The following BMPR2 variants were observed in gnomAD, a reference collection of about 807,000 sequenced individuals.
The protein encoded by BMPR2 is bone morphogenetic protein receptor type 2.
Under a neutral mutation model 100.8 loss-of-function variants are expected in BMPR2, and 29 were observed. The ratio of observed to expected loss-of-function variants is 0.29; its 90% CI spans 0.21 to 0.39. The LOEUF is 0.39. Among genes scored for constraint, BMPR2 ranks in the 10% least tolerant of loss-of-function variants. BMPR2 has a pLI of 1.00. For synonymous variants in BMPR2, 382 were observed against 442.3 expected (o/e 0.86, Z 1.71); for missense variants, 1,011 against 1,274.5 (o/e 0.79, Z 3.15).
chr2:202,426,797 G>C (rs1691395156), intron 1 of BMPR2, among the ~76,000 whole-genome samples: 1 of 152,106 alleles, frequency 6.6e-6, no homozygotes. Context: ...CAGAAGGAGT[G>C]ACTGAGCGTG....
Position 202,473,645 on chromosome 2 carries a change from G to T in BMPR2, c.418+5956G>T, listed in dbSNP as rs530218121. On this transcript the variant is annotated intron_variant, in intron 3 of 12. Transcript: ENST00000374580. ...TCTCTACTAAAAATAGAAAAAATTA[G>T]CTGGGTGTGGTAGTGGGCGCCTGTA... is the stretch of plus-strand genomic sequence containing the variant. Among the ~76,000 whole-genome samples, 317 of 152,076 alleles carry T rather than the reference G, an allele frequency of 2.1e-3. 1 individual carries two copies. The highest frequency in any genetic ancestry group is 7.2e-3 in the African/African-American group (297 of 41,490).
At chr2:202,506,517 C>G (rs1027212105) in intron 3 of BMPR2, among the ~76,000 whole-genome samples, 4 of 152,090 alleles carry the variant, frequency 2.6e-5, no homozygotes, top group Admixed American at 1.3e-4. Context: ...GGGCTCTACC[C>G]TCATTATATA....
chr2:202,518,198 C>T (rs1261764191), intron 5 of BMPR2, among the ~76,000 whole-genome samples: 1 of 139,502 alleles, frequency 7.2e-6, no homozygotes, highest in Non-Finnish European at 1.5e-5. Context: ...AGTGCAGTGG[C>T]GCGGTCTCAG....
intron 3 of BMPR2, among the ~76,000 whole-genome samples, chr2:202,508,855 T>C (rs1687574860): frequency 6.6e-6 from 1 of 152,162 alleles, no homozygotes; most frequent in South Asian, 2.1e-4. Context: ...TGTTAGTGGA[T>C]GGAAAGAAAA....
chr2:202,539,264 CAG>C (rs1419979337), intron 9 of BMPR2, among the ~76,000 whole-genome samples: 1 of 152,010 alleles, frequency 6.6e-6, no homozygotes, highest in Non-Finnish European at 1.5e-5. Flanking sequence ...AAAGAGGAAA[CAG>C]AACTGAGGAA....
Position 202,556,416 on chromosome 2 carries a change from A to C in BMPR2, c.2751A>C (p.Ala917=). The change falls in exon 12 of 13, where the codon GCA becomes GCC. Residue 917 remains alanine, a synonymous_variant. Coordinates refer to ENST00000374580, the MANE Select transcript of BMPR2 (RefSeq NM_001204.7). ...SNPCSEQDVL[A]QGVPSTAADP... is the part of the protein sequence containing the mutation. ...CATGTTCAGAACAAGATGTTCTTGC[A>C]CAGGGTGTTCCAAGCACAGCAGCAG... 6.2e-7 allele frequency: 1 copy of C among 1,614,184 alleles called. No individual in the cohort carries two copies. The highest frequency in any genetic ancestry group is 8.5e-7 in the Non-Finnish European group (1 of 1,180,040).
chr2:202,431,011 T>TTTTAA (rs1691492304), intron 1 of BMPR2, among the ~76,000 whole-genome samples: 2 of 150,060 alleles, frequency 1.3e-5, no homozygotes, highest in Admixed American at 1.3e-4. Flanking sequence ...GAACTCTAAA[T>TTTTAA]GATTAAAAAC....
intron 1 of BMPR2, among the ~76,000 whole-genome samples, chr2:202,402,508 C>T (rs913879512): frequency 6.6e-6 from 1 of 152,060 alleles, no homozygotes. Context: ...CAGAGTAAGA[C>T]TCCGTCTCAA....
intron 1 of BMPR2, among the ~76,000 whole-genome samples, chr2:202,381,200 CCTGACCTCGTGAT>C (rs1415872136): frequency 6.6e-6 from 1 of 151,898 alleles, no homozygotes; most frequent in Non-Finnish European, 1.5e-5. Context: ...ATCTCAAACT[CCTGACCTCGTGAT>C]CTGCCTGCCT....
chr2:202,468,599 A>G (rs1292140112), intron 3 of BMPR2, among the ~76,000 whole-genome samples: 2 of 152,246 alleles, frequency 1.3e-5, no homozygotes, highest in Non-Finnish European at 1.5e-5. Context: ...TACATCTTCA[A>G]TAGTACGAAT....
At position 202,527,570 on chromosome 2, in the gene BMPR2, G is replaced by T. The variant is rs554560487; in HGVS notation, c.968-3224G>T. On this transcript the variant is annotated intron_variant, in intron 7 of 12. Transcript: ENST00000374580. ...GGAGGCCGAGGCGGGTGGATCATGAGGTCAGGAGATCGAGACCATCCTGGC... is the reference window on the plus strand; with the variant it reads ...GGAGGCCGAGGCGGGTGGATCATGATGTCAGGAGATCGAGACCATCCTGGC... 4.0e-5 allele frequency among the ~76,000 whole-genome samples: 6 copies of T among 149,318 alleles called. No homozygotes were observed. In the East Asian group the frequency reaches 1.2e-3, roughly 30 times the overall value.
At chr2:202,422,670 GT>G (rs1192600169) in intron 1 of BMPR2, among the ~76,000 whole-genome samples, 1 of 151,518 alleles carries the variant, frequency 6.6e-6, no homozygotes, top group Non-Finnish European at 1.5e-5. Flanking sequence ...AATTGTTTTT[GT>G]TTTGTTTTGT....
At chr2:202,410,710 GC>G (rs1347983316) in intron 1 of BMPR2, among the ~76,000 whole-genome samples, 1 of 152,060 alleles carries the variant, frequency 6.6e-6, no homozygotes, top group Non-Finnish European at 1.5e-5. Context: ...CACCCGAGCA[GC>G]TGGGACTACA....
rs1365214139 is a variant in BMPR2, at chr2:202,564,213, T to G, written c.*4267T>G. 1 of 152,222 alleles carries G rather than the reference T, an allele frequency of 6.6e-6. No individual in the cohort carries two copies. The highest frequency in any genetic ancestry group is 6.5e-5 in the Admixed American group (1 of 15,282). The allele number at this position is 152,222 out of a possible 1,614,324, so 9.4% of individuals were successfully genotyped here. On this transcript the variant is annotated 3_prime_UTR_variant, in exon 13 of 13. Coordinates refer to ENST00000374580, the MANE Select transcript of BMPR2 (RefSeq NM_001204.7). ...TTTCCTTTTTTCATATTTATGGACA[T>G]GAATATTTTATTGGAGATCATTAAC...
At chr2:202,409,372 T>C (rs994597166) in intron 1 of BMPR2, among the ~76,000 whole-genome samples, 1 of 152,012 alleles carries the variant, frequency 6.6e-6, no homozygotes, top group African/African-American at 2.4e-5. Context: ...ATTACACATA[T>C]ATTTCAAAAA....
intron 1 of BMPR2, among the ~76,000 whole-genome samples, chr2:202,452,903 A>G (rs1055725629): frequency 2.6e-5 from 4 of 152,304 alleles, no homozygotes; most frequent in African/African-American, 9.6e-5. Context: ...GTCTGGGGTA[A>G]TTAGAGTAGG....
At chr2:202,524,004 G>A (rs896431170) in intron 7 of BMPR2, among the ~76,000 whole-genome samples, 2 of 152,122 alleles carry the variant, frequency 1.3e-5, no homozygotes, top group Non-Finnish European at 2.9e-5. Context: ...TGGACATGAA[G>A]ATGACAGCAG....
At chr2:202,394,896 T>A (rs1408012079) in intron 1 of BMPR2, among the ~76,000 whole-genome samples, 9 of 151,480 alleles carry the variant, frequency 5.9e-5, no homozygotes, top group East Asian at 1.9e-4. Context: ...TTTTATTTTT[T>A]TTTTTTTGAG....
intron 1 of BMPR2, among the ~76,000 whole-genome samples, chr2:202,415,060 G>A (rs1691097004): frequency 6.6e-6 from 1 of 152,050 alleles, no homozygotes; most frequent in African/African-American, 2.4e-5. Flanking sequence ...AACTGAGAGA[G>A]GTAAGGAAGC....
Sources: gnomAD v4.1 joint callset for allele counts (sites outside exome capture counted in the v4.1 genomes callset) on GRCh38, gnomAD v4.1.1 for gene constraint, MANE v1.5 for transcripts, NCBI Gene and HGNC (gene_info 2026-07-23, HGNC 2026-07-21) for gene names.